Variants in CNGB1 observed in about 807,000 individuals in gnomAD.
CNGB1 encodes cyclic nucleotide-gated channel beta-1.
Under a neutral mutation model 151.7 loss-of-function variants are expected in CNGB1, and 126 were observed. The ratio of observed to expected loss-of-function variants is 0.83; its 90% CI spans 0.72 to 0.96. The LOEUF is 0.96. CNGB1 is among the 40% of genes least tolerant of loss of function. CNGB1 has a pLI of 0.00. For missense variants in CNGB1, 1,698 were observed against 1,627.0 expected (o/e 1.04, Z -0.75); for synonymous variants, 623 against 635.1 (o/e 0.98, Z 0.29).
chr16:57,960,409 A>G, intron 9 of CNGB1, 73 bp downstream of exon 9: 2 of 1,552,020 alleles, frequency 1.3e-6, no homozygotes, highest in Non-Finnish European at 8.8e-7. Context: ...GGGATCCTCC[A>G]GGGCCCAGTT....
chr16:57,882,799 C>CTTTTTTTTTTTTTTTTT lies in CNGB1; in HGVS notation c.*1364_*1365insAAAAAAAAAAAAAAAAA, dbSNP rs71155213. On this transcript the variant is annotated 3_prime_UTR_variant, in exon 33 of 33. Transcript: ENST00000251102. ...CCTTTTTTCTTTTTTTTTCTTTTTTCTTTTTTTTTTTTTGTCTGAATCATA... is the reference window on the plus strand; with the variant it reads ...CCTTTTTTCTTTTTTTTTCTTTTTTCTTTTTTTTTTTTTTTTTTTTTTTTTTTTTTGTCTGAATCATA... 5.9e-5 allele frequency: 8 copies of CTTTTTTTTTTTTTTTTT among 136,058 alleles called. No homozygotes were observed. Among genetic ancestry groups the CTTTTTTTTTTTTTTTTT allele is most frequent in the Non-Finnish European group, 7.9e-5 (5 of 62,954 alleles). 8.4% of individuals were successfully genotyped at this position (136,058 alleles called of 1,614,324 possible).
At chr16:57,927,667 C>A (rs966946826) in intron 17 of CNGB1, among the ~76,000 whole-genome samples, 20 of 152,160 alleles carry the variant, frequency 1.3e-4, no homozygotes, top group African/African-American at 4.8e-4. Context: ...CCTCACAGGC[C>A]CAGCTCACAA....
intron 17 of CNGB1, among the ~76,000 whole-genome samples, chr16:57,925,973 C>A (rs1403115507): frequency 6.6e-6 from 1 of 152,200 alleles, no homozygotes; most frequent in Non-Finnish European, 1.5e-5. Flanking sequence ...CCGGCATGAG[C>A]CACCGCCCCC....
chr16:57,912,571 G>GTT (rs369191376), intron 24 of CNGB1, among the ~76,000 whole-genome samples: 1,708 of 151,218 alleles, frequency 0.011, 45 homozygotes, highest in African/African-American at 0.04. Flanking sequence ...AACTTCCTGT[G>GTT]TTGTGTGTGT....
chr16:57,966,388 G>C (rs764352387), intron 2 of CNGB1, among the ~76,000 whole-genome samples: 2 of 152,172 alleles, frequency 1.3e-5, no homozygotes, highest in Admixed American at 6.5e-5. Context: ...CAAATGTGTC[G>C]AATTGAGCTG....
intron 17 of CNGB1, among the ~76,000 whole-genome samples, chr16:57,928,214 A>G (rs540865006): frequency 6.6e-6 from 1 of 152,356 alleles, no homozygotes; most frequent in East Asian, 1.9e-4. Flanking sequence ...AGCAGCTCTA[A>G]CCACTCAGCA....
chr16:57,934,461 TG>T (rs1319081116), intron 16 of CNGB1, among the ~76,000 whole-genome samples: 3 of 152,018 alleles, frequency 2.0e-5, no homozygotes, highest in African/African-American at 7.2e-5. Flanking sequence ...TAAAATAAAA[TG>T]GAAGTAATGT....
Position 57,901,631 on chromosome 16 carries a change from A to T in CNGB1, c.2795-6T>A, listed in dbSNP as rs1365981581. 1 of 1,613,246 alleles carries T rather than the reference A, an allele frequency of 6.2e-7. No homozygotes were observed. The highest frequency in any genetic ancestry group is 1.1e-5 in the South Asian group (1 of 91,000). On this transcript the variant is annotated splice_polypyrimidine_tract_variant and splice_region_variant and intron_variant, in intron 27 of 32. Coordinates refer to ENST00000251102, the MANE Select transcript of CNGB1 (RefSeq NM_001297.5). ...CACCATCAGCTCTGACTCATCTGTGAACAAGGCCTGGCAAGGGTCAGAGGC... is the reference window on the plus strand; with the variant it reads ...CACCATCAGCTCTGACTCATCTGTGTACAAGGCCTGGCAAGGGTCAGAGGC...
chr16:57,944,786 T>A (rs2149378927), intron 14 of CNGB1, among the ~76,000 whole-genome samples: 1 of 151,560 alleles, frequency 6.6e-6, no homozygotes, highest in East Asian at 1.9e-4. Context: ...AAAACCCGCC[T>A]CTACTAAAAA....
At chr16:57,958,921 CTTTTTT>C (rs10708381) in intron 10 of CNGB1, among the ~76,000 whole-genome samples, 2 of 119,872 alleles carry the variant, frequency 1.7e-5, no homozygotes, top group Non-Finnish European at 3.4e-5. Flanking sequence ...TCATGCCCAG[CTTTTTT>C]TTTTTTTTTT....
intron 8 of CNGB1, 26 bp from the exon 9 acceptor site, chr16:57,960,556 C>T: frequency 6.2e-7 from 1 of 1,611,902 alleles, no homozygotes; most frequent in Non-Finnish European, 8.5e-7. Context: ...GGCGCAAGGT[C>T]ATGGGCCATA....
At chr16:57,901,061 G>GC (rs1367876496) in intron 29 of CNGB1, among the ~76,000 whole-genome samples, 2 of 4,236 alleles carry the variant, frequency 4.7e-4, no homozygotes, top group African/African-American at 9.3e-4. Context: ...GGTGGAGTTG[G>GC]GGGGGGGGTC....
At chr16:57,915,161 TGCTGCTGGGG>T in intron 23 of CNGB1, 78 bp downstream of exon 23, 2 of 1,057,696 alleles carry the variant, frequency 1.9e-6, no homozygotes, top group Non-Finnish European at 2.9e-6. Flanking sequence ...CCCTCCCCAG[TGCTGCTGGGG>T]GCAGACACGA....
At chr16:57,916,936 CAG>C (rs1368389940) in intron 21 of CNGB1, among the ~76,000 whole-genome samples, 20 of 152,298 alleles carry the variant, frequency 1.3e-4, no homozygotes, top group African/African-American at 4.1e-4. Context: ...GATGAGGAAA[CAG>C]AGGCGATTCA....
chr16:57,901,407 A>G lies in CNGB1; in HGVS notation c.2921T>C (p.Met974Thr). 6.2e-7 allele frequency: 1 copy of G among 1,614,212 alleles called. No homozygotes were observed. Among genetic ancestry groups the G allele is most frequent in the Non-Finnish European group, 8.5e-7 (1 of 1,180,036 alleles). ...GACAACAGAGCGAAGCCTCTTCAGC[A>G]TGTCAAAGATCATCTGCCGGTCACA... The part of the protein sequence containing the change: ...QGCDRQMIFD[M>T]LKRLRSVVYL... Residue 974 changes from methionine (M) to threonine (T), a missense_variant, in exon 29 of 33, where the codon ATG (methionine) becomes ACG (threonine). Transcript: ENST00000251102.
chr16:57,949,468 GC>G (rs770329721), intron 13 of CNGB1, 29 bp from the exon 14 acceptor site: 2 of 1,612,950 alleles, frequency 1.2e-6, no homozygotes, highest in Non-Finnish European at 1.7e-6. Context: ...CAGGAGGTGA[GC>G]CCACCCGAAG....
At chr16:57,897,762 C>T (rs1300024548) in intron 30 of CNGB1, 34 bp downstream of exon 30, 3 of 1,607,074 alleles carry the variant, frequency 1.9e-6, no homozygotes, top group Non-Finnish European at 2.6e-6. Context: ...AGCCCTTGCC[C>T]CAGGCCCCTC....
intron 31 of CNGB1, among the ~76,000 whole-genome samples, chr16:57,897,029 C>T (rs1298025880): frequency 1.3e-5 from 2 of 151,830 alleles, no homozygotes; most frequent in African/African-American, 2.4e-5. Flanking sequence ...CTAGGCCAGG[C>T]GCAGTGGCTC....
intron 31 of CNGB1, among the ~76,000 whole-genome samples, chr16:57,892,128 G>A (rs535312842): frequency 1.3e-5 from 2 of 150,102 alleles, no homozygotes; most frequent in Non-Finnish European, 2.9e-5. Context: ...ACACCTCTTC[G>A]CAGTACAAGA....
Sources: gnomAD v4.1 joint callset for allele counts (sites outside exome capture counted in the v4.1 genomes callset) on GRCh38, gnomAD v4.1.1 for gene constraint, MANE v1.5 for transcripts, NCBI Gene and HGNC (gene_info 2026-07-23, HGNC 2026-07-21) for gene names.